The following CPA6 variants were observed in gnomAD, a reference collection of about 807,000 sequenced individuals.
The protein encoded by CPA6 is carboxypeptidase B.
In CPA6, 58 loss-of-function variants were observed where a neutral mutation model predicts 63.3. That is an observed-to-expected ratio of 0.92 (90% CI 0.74 to 1.14). The LOEUF (loss-of-function observed/expected upper bound fraction) is 1.14, where lower values mean the gene tolerates loss of function less well. Ranked by LOEUF, CPA6 falls within the 50% of genes most tolerant of loss-of-function variation. The pLI is 0.00. For missense variants in CPA6, 565 were observed against 526.6 expected, an observed-to-expected ratio of 1.07 and a Z score of -0.71; for synonymous variants, 185 against 179.0, an observed-to-expected ratio of 1.03 and a Z score of -0.27.
At chr8:67,520,336 C>A (rs1478141856) in intron 2 of CPA6, among the ~76,000 whole-genome samples, 2 of 152,128 alleles carry the variant, frequency 1.3e-5, no homozygotes, top group Non-Finnish European at 2.9e-5. Flanking sequence ...TACAGCAAGG[C>A]TTGGAGAAAG....
intron 2 of CPA6, among the ~76,000 whole-genome samples, chr8:67,620,880 C>T (rs1329229226): frequency 6.6e-6 from 1 of 152,136 alleles, no homozygotes; most frequent in African/African-American, 2.4e-5. Flanking sequence ...GTAAAATTGG[C>T]CTTGGCTGGC....
intron 1 of CPA6, among the ~76,000 whole-genome samples, chr8:67,642,087 C>T (rs1031900703): frequency 5.3e-5 from 8 of 151,946 alleles, no homozygotes; most frequent in Admixed American, 1.3e-4. Context: ...TTTGGGAGGC[C>T]GAGGCGGGCA....
intron 2 of CPA6, among the ~76,000 whole-genome samples, chr8:67,582,417 C>A (rs994563674): frequency 6.6e-6 from 1 of 152,084 alleles, no homozygotes; most frequent in Non-Finnish European, 1.5e-5. Flanking sequence ...TAGTATAAGT[C>A]CTGGCCAACG....
At chr8:67,687,058 C>T (rs1273267561) in intron 1 of CPA6, among the ~76,000 whole-genome samples, 1 of 151,934 alleles carries the variant, frequency 6.6e-6, no homozygotes. Context: ...GGTTCAAGTT[C>T]CTTTCTGATG....
At position 67,593,224 on chromosome 8, in the gene CPA6, G is replaced by A. The variant is rs575239527; in HGVS notation, c.192+30952C>T. Among the ~76,000 whole-genome samples, 141 of 150,772 alleles carry A rather than the reference G, an allele frequency of 9.4e-4. 1 individual carries two copies. In the East Asian group the frequency reaches 0.016, roughly 17 times the overall value. ...GTGAGTTTCTTAATCCTGAGTTCTAGTTTGATTGCACTGTGGTCTGAGAGA... is the reference window on the plus strand; with the variant it reads ...GTGAGTTTCTTAATCCTGAGTTCTAATTTGATTGCACTGTGGTCTGAGAGA... On this transcript the variant is annotated intron_variant, in intron 2 of 10. Coordinates refer to ENST00000297770, the MANE Select transcript of CPA6 (RefSeq NM_020361.5).
At chr8:67,595,205 A>G (rs1814290898) in intron 2 of CPA6, among the ~76,000 whole-genome samples, 1 of 152,074 alleles carries the variant, frequency 6.6e-6, no homozygotes, top group Non-Finnish European at 1.5e-5. Flanking sequence ...GATTTTCGTG[A>G]TCCATGAATG....
chr8:67,492,345 G>T (rs1587488351), intron 6 of CPA6, among the ~76,000 whole-genome samples: 2 of 152,236 alleles, frequency 1.3e-5, no homozygotes, highest in East Asian at 1.9e-4. Flanking sequence ...AAAAAATATT[G>T]GAAGCTGATT....
intron 6 of CPA6, among the ~76,000 whole-genome samples, chr8:67,492,475 G>T: frequency 6.7e-6 from 1 of 148,290 alleles, no homozygotes; most frequent in South Asian, 2.2e-4. Context: ...CCTTTATAAG[G>T]TTTTTTTTTT....
chr8:67,655,731 A>G (rs959977953), intron 1 of CPA6, among the ~76,000 whole-genome samples: 3 of 151,962 alleles, frequency 2.0e-5, no homozygotes, highest in African/African-American at 7.3e-5. Flanking sequence ...CCCCTGTGTG[A>G]CTCTAAGGGC....
intron 8 of CPA6, among the ~76,000 whole-genome samples, chr8:67,449,430 T>A (rs1019106853): frequency 2.6e-5 from 4 of 152,208 alleles, no homozygotes; most frequent in African/African-American, 7.2e-5. Context: ...TTTTATCAGC[T>A]TTTTTGTCTA....
At chr8:67,544,998 A>G (rs1022157200) in intron 2 of CPA6, among the ~76,000 whole-genome samples, 1 of 152,226 alleles carries the variant, frequency 6.6e-6, no homozygotes. Context: ...ATTTATCAAC[A>G]AGAAAGACTT....
chr8:67,509,438 C>A lies in CPA6; in HGVS notation c.534+79G>T. 3 of 674,490 alleles carry A rather than the reference C, an allele frequency of 4.4e-6. No homozygotes were observed. In the South Asian group the frequency reaches 5.6e-5, roughly 13 times the overall value. 41.8% of individuals were successfully genotyped at this position (674,490 alleles called of 1,614,324 possible). A position where few individuals can be genotyped will look rare whatever the true frequency, so the allele number is the denominator to read the frequency against. The stretch of plus-strand genomic sequence containing the variant: ...GACTCTATAAAAGATCATTTCATTT[C>A]TTTTCCCATAGGTTAAAGTTGAAAA... On this transcript the variant is annotated intron_variant, in intron 5 of 10. Coordinates refer to ENST00000297770, the MANE Select transcript of CPA6 (RefSeq NM_020361.5).
At chr8:67,447,069 C>CATATATACACATATATATACACACAT (rs1810440045) in intron 8 of CPA6, among the ~76,000 whole-genome samples, 1 of 142,504 alleles carries the variant, frequency 7.0e-6, no homozygotes, top group Non-Finnish European at 1.5e-5. Context: ...TATATACACA[C>CATATATACACATATATATACACACAT]ATATATACAC....
At chr8:67,574,221 T>C (rs1813563738) in intron 2 of CPA6, among the ~76,000 whole-genome samples, 2 of 151,054 alleles carry the variant, frequency 1.3e-5, no homozygotes, top group South Asian at 4.2e-4. Flanking sequence ...CCACTAAAAA[T>C]ACAAAAATTA....
At chr8:67,656,340 ATC>A (rs1373416556) in intron 1 of CPA6, among the ~76,000 whole-genome samples, 37 of 152,174 alleles carry the variant, frequency 2.4e-4, no homozygotes, top group African/African-American at 8.9e-4. Flanking sequence ...TATTTGAGAC[ATC>A]TCTTTTTCCA....
At chr8:67,709,028 A>T (rs146543612) in intron 1 of CPA6, among the ~76,000 whole-genome samples, 3 of 152,190 alleles carry the variant, frequency 2.0e-5, no homozygotes, top group Non-Finnish European at 4.4e-5. Context: ...AGCTCTCGGG[A>T]GTTGGGAAAG....
At chr8:67,702,421 C>T (rs1817045573) in intron 1 of CPA6, among the ~76,000 whole-genome samples, 1 of 152,038 alleles carries the variant, frequency 6.6e-6, no homozygotes, top group African/African-American at 2.4e-5. Flanking sequence ...GGAGAGGGCT[C>T]CCACCCCCAC....
chr8:67,673,727 A>G (rs886425571), intron 1 of CPA6, among the ~76,000 whole-genome samples: 1 of 152,024 alleles, frequency 6.6e-6, no homozygotes, highest in African/African-American at 2.4e-5. Context: ...CTATAATAGC[A>G]TTTTAGTACT....
chr8:67,732,727 C>T (rs1817730001), intron 1 of CPA6: 1 of 152,358 alleles, frequency 6.6e-6, no homozygotes, highest in Admixed American at 6.5e-5. Context: ...ACAGAATAGA[C>T]AAAGGACAGA....
Sources: gnomAD v4.1 joint callset for allele counts (sites outside exome capture counted in the v4.1 genomes callset) on GRCh38, gnomAD v4.1.1 for gene constraint, MANE v1.5 for transcripts, NCBI Gene and HGNC (gene_info 2026-07-23, HGNC 2026-07-21) for gene names.